RPN2: variants seen among roughly 807,000 people sequenced by gnomAD.
RPN2 encodes the protein ribophorin II.
Under a neutral mutation model 71.4 loss-of-function variants are expected in RPN2, and 29 were observed. The ratio of observed to expected loss-of-function variants is 0.41; its 90% CI spans 0.30 to 0.55. RPN2 has a LOEUF of 0.55. Ranked by LOEUF, RPN2 falls within the 20% of genes least tolerant of loss-of-function variation. The probability of loss-of-function intolerance (pLI) is 0.35; values close to 1 mark genes in which losing one functional copy is unlikely to be tolerated. For synonymous variants in RPN2, 308 were observed against 305.0 expected (o/e 1.01, Z -0.10); for missense variants, 726 against 774.1 (o/e 0.94, Z 0.74).
chr20:37,179,621 C>T (rs1452828290), intron 1 of RPN2: 4 of 892,818 alleles, frequency 4.5e-6, no homozygotes, highest in Non-Finnish European at 6.2e-6. Context: ...CGAGGCTCAG[C>T]CGTGGGGACC....
chr20:37,211,794 G>A (rs1228826976), intron 8 of RPN2, among the ~76,000 whole-genome samples: 1 of 151,652 alleles, frequency 6.6e-6, no homozygotes, highest in Non-Finnish European at 1.5e-5. Flanking sequence ...GTGCAGTGTA[G>A]TGGCGTGATG....
intron 7 of RPN2, among the ~76,000 whole-genome samples, chr20:37,208,829 G>A (rs766728959): frequency 9.8e-5 from 15 of 152,302 alleles, no homozygotes; most frequent in Non-Finnish European, 2.1e-4. Flanking sequence ...CTAAGTGTTG[G>A]GTTTCCACTT....
intron 4 of RPN2, among the ~76,000 whole-genome samples, chr20:37,200,963 G>A (rs994583012): frequency 2.6e-5 from 4 of 152,100 alleles, no homozygotes; most frequent in Admixed American, 6.6e-5. Flanking sequence ...AGGGAAGTAC[G>A]TCCACTTTGG....
At chr20:37,182,104 AT>A (rs34981997) in intron 1 of RPN2, among the ~76,000 whole-genome samples, 1 of 151,278 alleles carries the variant, frequency 6.6e-6, no homozygotes, top group African/African-American at 2.4e-5. Flanking sequence ...ATTTATTTTT[AT>A]TTTTTTGAGA....
intron 2 of RPN2, among the ~76,000 whole-genome samples, chr20:37,190,524 G>A (rs1295343502): frequency 1.3e-5 from 2 of 152,196 alleles, no homozygotes; most frequent in Non-Finnish European, 2.9e-5. Flanking sequence ...CAGATAATGT[G>A]TGCAGGGTAG....
chr20:37,209,227 T>C (rs2067595715), intron 7 of RPN2, among the ~76,000 whole-genome samples: 1 of 152,272 alleles, frequency 6.6e-6, no homozygotes, highest in African/African-American at 2.4e-5. Context: ...TATATGCATA[T>C]AGTTGACTTT....
Position 37,179,350 on chromosome 20 carries a change from C to T in RPN2, c.-7C>T, listed in dbSNP as rs1035628911. ...GGCTCGGACTCCGGCGGGACCTGCT[C>T]GGAGGAATGGCGCCGCCGGGTGAGG... On this transcript the variant is annotated 5_prime_UTR_variant, in exon 1 of 17. Transcript: ENST00000237530. 5.8e-6 allele frequency: 5 copies of T among 855,446 alleles called. No homozygotes were observed. The highest frequency in any genetic ancestry group is 8.4e-5 in the African/African-American group (2 of 23,856). The allele number at this position is 855,446 out of a possible 1,614,324, so 53.0% of individuals were successfully genotyped here. A position where few individuals can be genotyped will look rare whatever the true frequency, so the allele number is the denominator to read the frequency against.
intron 15 of RPN2, 21 bp downstream of exon 15, chr20:37,234,116 A>G (rs2068320431): frequency 6.2e-7 from 1 of 1,612,836 alleles, no homozygotes; most frequent in Non-Finnish European, 8.5e-7. Flanking sequence ...CAGGCTGCTA[A>G]TTACCTGTAA....
intron 1 of RPN2, among the ~76,000 whole-genome samples, chr20:37,183,089 A>C (rs1329688541): frequency 6.6e-6 from 1 of 152,230 alleles, no homozygotes; most frequent in East Asian, 1.9e-4. Context: ...TTACGCTGTT[A>C]AAGTTGTAGA....
chr20:37,188,620 CT>C (rs11479251), intron 2 of RPN2, among the ~76,000 whole-genome samples: 6,318 of 143,108 alleles, frequency 0.044, 404 homozygotes, highest in African/African-American at 0.14. Flanking sequence ...CAATTGGTGT[CT>C]TTTTTTTTTT....
chr20:37,231,114 C>T (rs2068231413), intron 13 of RPN2, among the ~76,000 whole-genome samples: 1 of 152,048 alleles, frequency 6.6e-6, no homozygotes, highest in African/African-American at 2.4e-5. Context: ...TAATCAAATG[C>T]ACTATTTCAT....
rs759106758 is a variant in RPN2, at chr20:37,230,026, C to T, written c.1548C>T (p.Ser516=). The change falls in exon 13 of 17, where the codon TCC becomes TCT. Residue 516 remains serine (S), a synonymous_variant. Coordinates refer to ENST00000237530, the MANE Select transcript of RPN2 (RefSeq NM_002951.5). The part of the protein sequence containing the change: ...PEEEAPSTVL[S]QNLFTPKQEI... ...AAGAAGCTCCCTCGACTGTCTTGTC[C>T]CAGAACCTTTTCACTCCAAAACAGG... 6.2e-7 allele frequency: 1 copy of T among 1,614,136 alleles called. No homozygotes were observed. The highest frequency in any genetic ancestry group is 1.7e-5 in the Admixed American group (1 of 60,024).
chr20:37,237,457 A>C (rs558192144), intron 16 of RPN2, among the ~76,000 whole-genome samples: 1 of 152,316 alleles, frequency 6.6e-6, no homozygotes, highest in South Asian at 2.1e-4. Flanking sequence ...GCTTTCTTCT[A>C]TCCAGGACGT....
At chr20:37,238,646 T>C in intron 16 of RPN2, 1 of 737,038 alleles carries the variant, frequency 1.4e-6, no homozygotes, top group Non-Finnish European at 2.5e-6. Context: ...CTTCCTGAGT[T>C]AGCCCAGCTG....
chr20:37,191,191 C>T (rs1330707391), intron 2 of RPN2, among the ~76,000 whole-genome samples: 3 of 152,138 alleles, frequency 2.0e-5, no homozygotes, highest in Non-Finnish European at 4.4e-5. Context: ...AAAGTGTGAG[C>T]ATCGGCTGGG....
intron 2 of RPN2, among the ~76,000 whole-genome samples, chr20:37,196,607 C>A (rs1312457763): frequency 3.9e-5 from 6 of 152,166 alleles, no homozygotes; most frequent in Admixed American, 6.5e-5. Flanking sequence ...CAGCTCACTG[C>A]AGCCTCAAAC....
intron 8 of RPN2, among the ~76,000 whole-genome samples, chr20:37,210,711 T>C (rs2067641327): frequency 6.6e-6 from 1 of 151,946 alleles, no homozygotes; most frequent in South Asian, 2.1e-4. Flanking sequence ...TTTGTATTTT[T>C]AGTAGAGACA....
intron 2 of RPN2, among the ~76,000 whole-genome samples, chr20:37,193,180 C>G (rs550719316): frequency 6.6e-6 from 1 of 152,246 alleles, no homozygotes; most frequent in South Asian, 2.1e-4. Flanking sequence ...CTCTGCATCA[C>G]CCTAATCTCA....
At chr20:37,219,316 C>T (rs2063946057) in intron 9 of RPN2, among the ~76,000 whole-genome samples, 1 of 152,128 alleles carries the variant, frequency 6.6e-6, no homozygotes, top group African/African-American at 2.4e-5. Flanking sequence ...TCTTGCATAT[C>T]TTCTTTAGAA....
Sources: allele counts gnomAD v4.1 joint callset (sites outside exome capture counted in the v4.1 genomes callset), GRCh38; gene constraint gnomAD v4.1.1; transcripts MANE v1.5; gene names NCBI Gene and HGNC (gene_info 2026-07-23, HGNC 2026-07-21).